Variants in CENPH observed in about 807,000 individuals in gnomAD.
CENPH encodes centromere protein H, also known as CENP-H.
Under a neutral mutation model 42.9 loss-of-function variants are expected in CENPH, and 40 were observed. That is an observed-to-expected ratio of 0.93 (90% CI 0.72 to 1.21). The LOEUF (loss-of-function observed/expected upper bound fraction) is 1.21. Ranked by LOEUF, CENPH falls within the 50% of genes most tolerant of loss-of-function variation. The pLI, the probability that CENPH is intolerant of heterozygous loss-of-function variation, is 0.00. For synonymous variants in CENPH, 88 were observed against 96.5 expected, an observed-to-expected ratio of 0.91 and a Z score of 0.52; for missense variants, 302 against 292.9, an observed-to-expected ratio of 1.03 and a Z score of -0.23.
At chr5:69,203,761 C>G (rs1338328874) in intron 7 of CENPH, among the ~76,000 whole-genome samples, 1 of 151,818 alleles carries the variant, frequency 6.6e-6, no homozygotes, top group Non-Finnish European at 1.5e-5. Flanking sequence ...CCTTGGCCTC[C>G]CAAAGTGCTG....
chr5:69,202,229 T>C (rs1748071308), intron 5 of CENPH, among the ~76,000 whole-genome samples: 1 of 152,242 alleles, frequency 6.6e-6, no homozygotes, highest in South Asian at 2.1e-4. Flanking sequence ...TCTCTAAATA[T>C]GAAATTTTTA....
At chr5:69,190,807 T>G (rs1267892374) in intron 1 of CENPH, among the ~76,000 whole-genome samples, 1 of 152,010 alleles carries the variant, frequency 6.6e-6, no homozygotes, top group African/African-American at 2.4e-5. Context: ...AGAGAATTGA[T>G]TGAACCCGGG....
At chr5:69,192,801 A>T (rs910599043) in intron 2 of CENPH, among the ~76,000 whole-genome samples, 22 of 152,112 alleles carry the variant, frequency 1.4e-4, no homozygotes, top group African/African-American at 5.3e-4. Flanking sequence ...TTACCATTTA[A>T]AAAATATATA....
intron 1 of CENPH, among the ~76,000 whole-genome samples, chr5:69,191,173 G>T (rs1400024514): frequency 6.6e-6 from 1 of 151,996 alleles, no homozygotes; most frequent in Non-Finnish European, 1.5e-5. Flanking sequence ...AATCATTTTG[G>T]TCTATTCTTT....
intron 2 of CENPH, among the ~76,000 whole-genome samples, chr5:69,194,064 T>C (rs1561321268): frequency 6.6e-6 from 1 of 152,172 alleles, no homozygotes; most frequent in Non-Finnish European, 1.5e-5. Context: ...ATAGCATAGA[T>C]AGGAAACATT....
intron 7 of CENPH, among the ~76,000 whole-genome samples, chr5:69,204,670 A>G (rs1010280543): frequency 4.6e-5 from 6 of 131,114 alleles, no homozygotes; most frequent in Admixed American, 2.7e-4. Context: ...CAGTGCTGCA[A>G]TCTCGGCTCA....
At chr5:69,194,199 C>G (rs548631211) in intron 2 of CENPH, among the ~76,000 whole-genome samples, 2 of 151,896 alleles carry the variant, frequency 1.3e-5, no homozygotes, top group African/African-American at 4.8e-5. Context: ...CACTCAGCCA[C>G]CCAGGCTGGA....
chr5:69,195,559 T>C (rs1447150694), intron 3 of CENPH, among the ~76,000 whole-genome samples, 158 bp from the exon 4 acceptor site: 1 of 152,212 alleles, frequency 6.6e-6, no homozygotes, highest in Non-Finnish European at 1.5e-5. Context: ...GGCATTAGTT[T>C]ACCAAATGTG....
chr5:69,194,999 G>A, intron 3 of CENPH, among the ~76,000 whole-genome samples: 1 of 151,728 alleles, frequency 6.6e-6, no homozygotes, highest in East Asian at 1.9e-4. Flanking sequence ...AGAAGCCAAG[G>A]TGGGTGGATC....
rs768841268 is a variant in CENPH at position 69,208,379 on chromosome 5, G to C, written c.651+20G>C. The C allele has an allele frequency of 6.6e-7, 1 of 1,509,362 alleles. No individual in the cohort carries two copies. The highest frequency in any genetic ancestry group is 1.4e-5 in the African/African-American group (1 of 71,580). 93.5% of individuals were successfully genotyped at this position (1,509,362 alleles called of 1,614,324 possible). ...TTCCAGGTAACATTTATATAAACTA[G>C]CAAGAGTTTTAATCTTGTTGCCCAG... On this transcript the variant is annotated intron_variant, in intron 8 of 8. Transcript: ENST00000283006.
Position 69,191,791 on chromosome 5 carries a change from T to C in CENPH, c.135-4T>C. 6.5e-7 allele frequency: 1 copy of C among 1,534,030 alleles called. No individual in the cohort carries two copies. The highest frequency in any genetic ancestry group is 9.0e-7 in the Non-Finnish European group (1 of 1,108,136). On this transcript the variant is annotated splice_polypyrimidine_tract_variant and splice_region_variant and intron_variant, in intron 1 of 8. Transcript: ENST00000283006. ...GACTTTATATTCTCTTTATCTGTTT[T>C]CAGGCTGAGAGCACAGACAAAACAA...
chr5:69,206,085 G>A (rs1363467918), intron 7 of CENPH, among the ~76,000 whole-genome samples: 1 of 151,906 alleles, frequency 6.6e-6, no homozygotes, highest in Non-Finnish European at 1.5e-5. Flanking sequence ...GGCTGGTATA[G>A]AACTCCTGGG....
Position 69,209,927 on chromosome 5 carries a change from A to T in CENPH, c.*128A>T. 1 of 495,342 alleles carries T rather than the reference A, an allele frequency of 2.0e-6. No homozygotes were observed. The highest frequency in any genetic ancestry group is 3.5e-6 in the Non-Finnish European group (1 of 281,764). 30.7% of individuals were successfully genotyped at this position (495,342 alleles called of 1,614,324 possible). A position where few individuals can be genotyped will look rare whatever the true frequency, so the allele number is the denominator to read the frequency against. Reference sequence around the variant, plus strand: ...TCCATAACGTTTACAGTTGTAGTACAGTTGTGGTTAGTTATTTGTAGTGGG... The same window carrying T: ...TCCATAACGTTTACAGTTGTAGTACTGTTGTGGTTAGTTATTTGTAGTGGG... On this transcript the variant is annotated 3_prime_UTR_variant, in exon 9 of 9. Coordinates refer to ENST00000283006, the MANE Select transcript of CENPH (RefSeq NM_022909.4).
intron 1 of CENPH, 23 bp from the exon 2 acceptor site, chr5:69,191,772 A>T: frequency 6.9e-7 from 1 of 1,442,248 alleles, no homozygotes; most frequent in Non-Finnish European, 9.7e-7. Flanking sequence ...ATGTGACTTT[A>T]TATTCTCTTT....
At position 69,209,854 on chromosome 5, in the gene CENPH, G is replaced by T; in HGVS notation, c.*55G>T. ...TTCTGGCAATCTCAACTCTTATTTG[G>T]AATACTTCTGTGCATTTGTCTGTCC... On this transcript the variant is annotated 3_prime_UTR_variant, in exon 9 of 9. Transcript: ENST00000283006. 3.1e-6 allele frequency: 3 copies of T among 978,996 alleles called. No individual in the cohort carries two copies. Among genetic ancestry groups the T allele is most frequent in the South Asian group, 1.4e-5 (1 of 73,476 alleles). 60.6% of individuals were successfully genotyped at this position (978,996 alleles called of 1,614,324 possible).
chr5:69,193,116 AAT>A (rs373671258), intron 2 of CENPH, among the ~76,000 whole-genome samples: 8 of 150,072 alleles, frequency 5.3e-5, no homozygotes, highest in South Asian at 2.1e-4. Flanking sequence ...AAACAAACAA[AAT>A]ATATATATAT....
intron 7 of CENPH, among the ~76,000 whole-genome samples, 197 bp downstream of exon 7, chr5:69,203,167 C>T (rs889337875): frequency 3.9e-5 from 6 of 151,952 alleles, no homozygotes; most frequent in Admixed American, 1.3e-4. Flanking sequence ...ACTTTATTTT[C>T]GTTTTTTGTT....
intron 2 of CENPH, 103 bp from the exon 3 acceptor site, chr5:69,194,544 G>T: frequency 3.3e-6 from 2 of 602,764 alleles, no homozygotes; most frequent in Non-Finnish European, 5.9e-6. Flanking sequence ...ATGTGAAAAC[G>T]ACATTTTAAA....
intron 8 of CENPH, among the ~76,000 whole-genome samples, 183 bp from the exon 9 acceptor site, chr5:69,209,524 G>C (rs1430933953): frequency 6.6e-6 from 1 of 151,106 alleles, no homozygotes; most frequent in Non-Finnish European, 1.5e-5. Flanking sequence ...GGGTGACACA[G>C]AGCAAGACTC....
Sources: allele counts gnomAD v4.1 joint callset (sites outside exome capture counted in the v4.1 genomes callset), GRCh38; gene constraint gnomAD v4.1.1; transcripts MANE v1.5; gene names NCBI Gene and HGNC (gene_info 2026-07-23, HGNC 2026-07-21).